Variants in OPA3 observed in about 807,000 individuals in gnomAD.
OPA3 encodes optic atrophy 3 protein.
A neutral mutation model predicts 4.0 loss-of-function variants in OPA3; 6 were observed. The observed-to-expected ratio is 1.51, with a 90% CI of 0.83 to 2.99. OPA3 has a LOEUF of 2.99. OPA3 is among the 30% of genes most tolerant of loss of function. The pLI is 0.00. For missense variants in OPA3, 235 were observed against 256.2 expected (o/e 0.92, Z 0.56); for synonymous variants, 105 against 117.1 (o/e 0.90, Z 0.67).
intron 1 of OPA3, among the ~76,000 whole-genome samples, chr19:45,554,599 A>T (rs1338634058): frequency 1.3e-5 from 2 of 152,186 alleles, no homozygotes; most frequent in Non-Finnish European, 2.9e-5. Context: ...GGTTCTCAGC[A>T]CTTGAGTCTT....
intron 1 of OPA3, among the ~76,000 whole-genome samples, chr19:45,566,397 C>G (rs540117158): frequency 3.3e-4 from 50 of 151,638 alleles, no homozygotes; most frequent in African/African-American, 1.2e-3. Flanking sequence ...TGATAATACC[C>G]GCCTTGGAGT....
chr19:45,565,072 G>GA (rs368647697), intron 1 of OPA3, among the ~76,000 whole-genome samples: 302 of 144,594 alleles, frequency 2.1e-3, no homozygotes, highest in East Asian at 0.014. Flanking sequence ...TAAAAATAAA[G>GA]AAAAAAAAAA....
chr19:45,575,128 T>C (rs1178825347), intron 1 of OPA3, among the ~76,000 whole-genome samples: 1 of 152,176 alleles, frequency 6.6e-6, no homozygotes, highest in Non-Finnish European at 1.5e-5. Context: ...TGAGACAGGG[T>C]CTTGCTCTGT....
chr19:45,545,802 T>G (rs1256382197), downstream of OPA3, among the ~76,000 whole-genome samples: 1 of 149,744 alleles, frequency 6.7e-6, no homozygotes, highest in East Asian at 2.0e-4. Context: ...AACCTCCGTC[T>G]CCTGGGTTCA....
At position 45,533,617 on chromosome 19, in the gene OPA3, C is replaced by G. The variant is rs1969084155; in HGVS notation, c.143-4161G>C. Among the ~76,000 whole-genome samples the G allele has an allele frequency of 3.3e-5, 5 of 152,214 alleles. No homozygotes were observed. In the South Asian group the frequency reaches 8.3e-4, roughly 25 times the overall value. On this transcript the variant is annotated intron_variant, in intron 1 of 1. Transcript: ENST00000323060. ...AGCCGGATCCTAATCCAGGAGAGGT[C>G]AGTTCACCAGTAAGTCCGTACTCCA...
Position 45,549,076 on chromosome 19 carries a change from A to C in OPA3, c.*4438T>G. 1 of 977,768 alleles carries C rather than the reference A, an allele frequency of 1.0e-6. No homozygotes were observed. Among genetic ancestry groups the C allele is most frequent in the Non-Finnish European group, 1.2e-6 (1 of 823,034 alleles). The allele number at this position is 977,768 out of a possible 1,614,324, so 60.6% of individuals were successfully genotyped here. ...CACCCTGGCCTCCCAAAGTGCTAGG[A>C]TTACAGGTGTGAGCCACTGCGCCCA... is the stretch of plus-strand genomic sequence containing the variant. On this transcript the variant is annotated 3_prime_UTR_variant, in exon 2 of 2. Transcript: ENST00000263275.
chr19:45,531,961 G>A (rs1046053740), intron 1 of OPA3, among the ~76,000 whole-genome samples: 3 of 152,166 alleles, frequency 2.0e-5, no homozygotes, highest in Admixed American at 1.3e-4. Context: ...CTCCTGGGAG[G>A]TAATTTTTTA....
chr19:45,536,711 G>A (rs112454402), intron 1 of OPA3, among the ~76,000 whole-genome samples: 13 of 152,274 alleles, frequency 8.5e-5, no homozygotes, highest in East Asian at 1.9e-4. Context: ...GTGGTAAAGC[G>A]TAGAGAATCC....
At chr19:45,554,235 C>T (rs1969388290) in intron 1 of OPA3, among the ~76,000 whole-genome samples, 1 of 152,278 alleles carries the variant, frequency 6.6e-6, no homozygotes, top group Non-Finnish European at 1.5e-5. Context: ...CTGGCACTGT[C>T]GCCCCACCCA....
At chr19:45,577,413 C>T (rs2122509143) in intron 1 of OPA3, among the ~76,000 whole-genome samples, 1 of 152,288 alleles carries the variant, frequency 6.6e-6, no homozygotes, top group South Asian at 2.1e-4. Context: ...GGGGCCACAG[C>T]AAAGGGCAAT....
In OPA3 at chr19:45,553,702, C is replaced by T. The variant is rs772116334; in HGVS notation, c.352G>A (p.Ala118Thr). 1 of 1,607,920 alleles carries T rather than the reference C, an allele frequency of 6.2e-7. No individual in the cohort carries two copies. The highest frequency in any genetic ancestry group is 1.3e-5 in the African/African-American group (1 of 75,032). ...QRHKEEEQRAAWNALRDEVGH... is the reference protein window; with the variant it reads ...QRHKEEEQRATWNALRDEVGH... ...ACCTCGTCCCGCAGCGCGTTCCAGG[C>T]AGCACGCTGCTCCTCCTCCTTGTGG... The change falls in exon 2 of 2, where the codon GCC becomes ACC. Residue 118 changes from alanine to threonine, a missense_variant. Coordinates refer to ENST00000263275, the MANE Select transcript of OPA3 (RefSeq NM_025136.4).
chr19:45,550,504 T>C lies in OPA3; in HGVS notation c.*3010A>G. The C allele has an allele frequency of 1.0e-6, 1 of 986,752 alleles. No homozygotes were observed. The highest frequency in any genetic ancestry group is 1.2e-6 in the Non-Finnish European group (1 of 831,014). The allele number at this position is 986,752 out of a possible 1,614,324, so 61.1% of individuals were successfully genotyped here. ...CACCCTCCCAGCCTCTGCTCAGCCA[T>C]CGCCTCTCCCTCCTCACTCTGCAGC... On this transcript the variant is annotated 3_prime_UTR_variant, in exon 2 of 2. Coordinates refer to ENST00000263275, the MANE Select transcript of OPA3 (RefSeq NM_025136.4).
intron 1 of OPA3, among the ~76,000 whole-genome samples, chr19:45,572,656 T>C (rs62637997): frequency 0.23 from 32,148 of 137,932 alleles, 4,711 homozygotes; most frequent in Middle Eastern, 0.34. Context: ...ATATATATCA[T>C]ATATATCTAT....
At chr19:45,558,787 T>C (rs1969459329) in intron 1 of OPA3, among the ~76,000 whole-genome samples, 1 of 151,992 alleles carries the variant, frequency 6.6e-6, no homozygotes, top group South Asian at 2.1e-4. Flanking sequence ...TGCAGTGGCA[T>C]GATCTCCGCT....
rs542902679 is a variant in OPA3 at position 45,560,679 on chromosome 19, C to T, written c.143-6768G>A. On this transcript the variant is annotated intron_variant, in intron 1 of 1. Coordinates refer to ENST00000263275, the MANE Select transcript of OPA3 (RefSeq NM_025136.4). ...CTGTCATTTCTCAGGGCACCATTTC[C>T]TAAGCCCTTTTCTCACTCGACTGTC... is the stretch of plus-strand genomic sequence containing the variant. Among the ~76,000 whole-genome samples, 3 of 152,248 alleles carry T rather than the reference C, an allele frequency of 2.0e-5. No homozygotes were observed. The South Asian group carries it at 6.2e-4, about 32-fold the overall frequency.
At chr19:45,580,900 G>A (rs1969845811) in intron 1 of OPA3, among the ~76,000 whole-genome samples, 1 of 152,126 alleles carries the variant, frequency 6.6e-6, no homozygotes, top group Non-Finnish European at 1.5e-5. Flanking sequence ...ACAGGCATGA[G>A]CCACTGCGCC....
At chr19:45,544,915 G>C (rs147703797), downstream of OPA3, among the ~76,000 whole-genome samples, 1 of 151,400 alleles carries the variant, frequency 6.6e-6, no homozygotes, top group Admixed American at 6.6e-5. Context: ...GCCAGGAGGC[G>C]GAGGTTGTGG....
rs960872014 is a variant in OPA3, at chr19:45,548,598, G to C, written c.*4916C>G. On this transcript the variant is annotated 3_prime_UTR_variant, in exon 2 of 2. Transcript: ENST00000263275. ...CTGGGGCTGTCTCTGTCACCACTGT[G>C]ACCCCAGCATAGGGTGGGGCAGAGA... is the stretch of plus-strand genomic sequence containing the variant. The C allele has an allele frequency of 1.0e-6, 1 of 985,010 alleles. No individual in the cohort carries two copies. Among genetic ancestry groups the C allele is most frequent in the African/African-American group, 1.7e-5 (1 of 57,194 alleles). 61.0% of individuals were successfully genotyped at this position (985,010 alleles called of 1,614,324 possible).
exon 2 of OPA3, chr19:45,529,063 T>C (rs1420755629): frequency 6.3e-7 from 1 of 1,599,434 alleles, no homozygotes; most frequent in Admixed American, 1.7e-5. Context: ...CTCCTATTTC[T>C]CGGACGCCGG....
Sources: allele counts gnomAD v4.1 joint callset (sites outside exome capture counted in the v4.1 genomes callset), GRCh38; gene constraint gnomAD v4.1.1; transcripts MANE v1.5; gene names NCBI Gene and HGNC (gene_info 2026-07-23, HGNC 2026-07-21).